Variants in EBF2 observed in about 807,000 individuals in gnomAD.
EBF2 encodes EBF transcription factor 2.
EBF2 carries 21 observed loss-of-function variants against 72.8 expected under a neutral mutation model. The ratio of observed to expected loss-of-function variants is 0.29; its 90% CI spans 0.20 to 0.42. The LOEUF is 0.42. Among genes scored for constraint, EBF2 ranks in the 10% least tolerant of loss-of-function variants. The pLI is 1.00. For missense variants in EBF2, 637 were observed against 731.2 expected, an observed-to-expected ratio of 0.87 and a Z score of 1.49; for synonymous variants, 299 against 274.2, an observed-to-expected ratio of 1.09 and a Z score of -0.89.
At chr8:25,950,626 A>C (rs934135956) in intron 6 of EBF2, among the ~76,000 whole-genome samples, 1 of 152,214 alleles carries the variant, frequency 6.6e-6, no homozygotes, top group Non-Finnish European at 1.5e-5. Context: ...GACTAAAAAC[A>C]AAAAGATTGG....
chr8:26,033,933 A>G (rs1486229768), intron 5 of EBF2, among the ~76,000 whole-genome samples: 2 of 152,208 alleles, frequency 1.3e-5, no homozygotes, highest in Non-Finnish European at 2.9e-5. Flanking sequence ...GCAAATCACA[A>G]CTTTCCCATG....
chr8:25,990,953 C>A (rs997410212), intron 6 of EBF2, among the ~76,000 whole-genome samples: 1 of 152,168 alleles, frequency 6.6e-6, no homozygotes, highest in Non-Finnish European at 1.5e-5. Context: ...AAATAAACTT[C>A]TTTATGCTCC....
chr8:25,863,683 T>C (rs949876465), intron 10 of EBF2, among the ~76,000 whole-genome samples: 15 of 151,962 alleles, frequency 9.9e-5, no homozygotes, highest in Non-Finnish European at 2.2e-4. Flanking sequence ...CTATTTCCTC[T>C]TTAATCTTAT....
At chr8:25,891,082 G>A in intron 7 of EBF2, among the ~76,000 whole-genome samples, 1 of 152,228 alleles carries the variant, frequency 6.6e-6, no homozygotes, top group Admixed American at 6.5e-5. Context: ...GGTACCAACA[G>A]TTATAAGGCA....
chr8:26,025,709 C>T (rs1489641393), intron 6 of EBF2, among the ~76,000 whole-genome samples: 1 of 152,070 alleles, frequency 6.6e-6, no homozygotes, highest in Non-Finnish European at 1.5e-5. Context: ...GCTACAGAGT[C>T]CTTTATCTTA....
intron 10 of EBF2, among the ~76,000 whole-genome samples, chr8:25,869,870 C>T (rs1364416118): frequency 6.6e-6 from 1 of 152,208 alleles, no homozygotes; most frequent in Admixed American, 6.5e-5. Flanking sequence ...TGTAACCCTA[C>T]AATGTGGGTT....
At chr8:25,880,008 T>G (rs1013232486) in intron 10 of EBF2, among the ~76,000 whole-genome samples, 1 of 152,250 alleles carries the variant, frequency 6.6e-6, no homozygotes, top group Non-Finnish European at 1.5e-5. Flanking sequence ...AATTTAACTC[T>G]TGATGTTCAT....
At chr8:26,002,908 GGGCA>G (rs1563204739) in intron 6 of EBF2, among the ~76,000 whole-genome samples, 11 of 5,542 alleles carry the variant, frequency 2.0e-3, no homozygotes, top group Admixed American at 6.0e-3. Flanking sequence ...GCGGGCAGGC[GGGCA>G]GGCGGGCAGG....
chr8:25,938,613 A>C (rs892650572), intron 6 of EBF2, among the ~76,000 whole-genome samples: 3 of 152,148 alleles, frequency 2.0e-5, no homozygotes, highest in African/African-American at 7.2e-5. Flanking sequence ...ATAATTCTTC[A>C]TGCTTTCATA....
chr8:26,029,390 C>T (rs1309992318), intron 6 of EBF2, among the ~76,000 whole-genome samples: 1 of 152,126 alleles, frequency 6.6e-6, no homozygotes, highest in Non-Finnish European at 1.5e-5. Context: ...TTTTACCTTC[C>T]CATTTTGTTA....
chr8:25,986,025 A>AAAAAAAAAAAAAAAAAT (rs1804448971), intron 6 of EBF2, among the ~76,000 whole-genome samples: 2 of 145,670 alleles, frequency 1.4e-5, no homozygotes, highest in African/African-American at 2.6e-5. Context: ...AAAAAAAAAA[A>AAAAAAAAAAAAAAAAAT]GTACATGAGG....
At chr8:25,972,368 C>A (rs1244034132) in intron 6 of EBF2, among the ~76,000 whole-genome samples, 1 of 152,080 alleles carries the variant, frequency 6.6e-6, no homozygotes, top group African/African-American at 2.4e-5. Flanking sequence ...CAGCAAACAG[C>A]ACCTTCCTTT....
chr8:25,898,002 C>T (rs903745270), intron 7 of EBF2, among the ~76,000 whole-genome samples: 1 of 152,110 alleles, frequency 6.6e-6, no homozygotes, highest in Admixed American at 6.5e-5. Flanking sequence ...TTTATTGAGA[C>T]CCCTAGGCGC....
intron 15 of EBF2, among the ~76,000 whole-genome samples, chr8:25,845,882 G>T (rs1801822656): frequency 6.6e-6 from 1 of 152,180 alleles, no homozygotes; most frequent in Non-Finnish European, 1.5e-5. Context: ...ATTTTGCTGA[G>T]TGTTGCTTAC....
intron 6 of EBF2, among the ~76,000 whole-genome samples, chr8:25,974,413 CTA>C (rs1212805192): frequency 2.0e-5 from 3 of 152,210 alleles, no homozygotes; most frequent in Non-Finnish European, 4.4e-5. Context: ...CTTGTGCTGA[CTA>C]TAGCTGAAAC....
Position 26,026,130 on chromosome 8 carries a change from T to C in EBF2, c.551+6955A>G, listed in dbSNP as rs79050454. 6.1e-3 allele frequency among the ~76,000 whole-genome samples: 931 copies of C among 152,276 alleles called. 8 individuals carry two copies. Among genetic ancestry groups the C allele is most frequent in the African/African-American group, 0.021 (881 of 41,538 alleles). Reference sequence around the variant, plus strand: ...AGTTTGAGATTGCAGTGGGCTATGATTGCACCACTGCATTCCAACCTGGGC... The same window carrying C: ...AGTTTGAGATTGCAGTGGGCTATGACTGCACCACTGCATTCCAACCTGGGC... On this transcript the variant is annotated intron_variant, in intron 6 of 15. Coordinates refer to ENST00000520164, the MANE Select transcript of EBF2 (RefSeq NM_022659.4).
intron 10 of EBF2, among the ~76,000 whole-genome samples, chr8:25,870,058 G>A (rs1047832000): frequency 1.3e-5 from 2 of 152,016 alleles, no homozygotes; most frequent in Non-Finnish European, 2.9e-5. Flanking sequence ...AGCATGATGG[G>A]CATCCTCCTC....
chr8:25,950,046 TG>T (rs1270238011), intron 6 of EBF2, among the ~76,000 whole-genome samples: 2 of 152,212 alleles, frequency 1.3e-5, no homozygotes, highest in Non-Finnish European at 2.9e-5. Flanking sequence ...TGGCAGCGCT[TG>T]TCAGTCTCAG....
intron 6 of EBF2, among the ~76,000 whole-genome samples, chr8:26,023,473 G>A (rs1384074037): frequency 6.6e-6 from 1 of 152,162 alleles, no homozygotes; most frequent in African/African-American, 2.4e-5. Context: ...CCATCCAGTT[G>A]GTCCTCTGAT....
Sources: gnomAD v4.1 joint callset for allele counts (sites outside exome capture counted in the v4.1 genomes callset) on GRCh38, gnomAD v4.1.1 for gene constraint, MANE v1.5 for transcripts, NCBI Gene and HGNC (gene_info 2026-07-23, HGNC 2026-07-21) for gene names.